The following EPHB1 variants were observed in gnomAD, a reference collection of about 807,000 sequenced individuals.
EPHB1 encodes the protein EPH receptor B1, also known as ephrin type-B receptor 1.
EPHB1 carries 30 observed loss-of-function variants against 94.4 expected under a neutral mutation model. The observed-to-expected ratio is 0.32, with a 90% CI of 0.24 to 0.43. EPHB1 has a LOEUF of 0.43. Ranked by LOEUF, EPHB1 falls within the 20% of genes least tolerant of loss-of-function variation. EPHB1 has a pLI of 1.00. For synonymous variants in EPHB1, 522 were observed against 489.1 expected, an observed-to-expected ratio of 1.07 and a Z score of -0.89; for missense variants, 1,055 against 1,308.3, an observed-to-expected ratio of 0.81 and a Z score of 2.99.
chr3:134,798,455 G>A (rs958188813), intron 1 of EPHB1, among the ~76,000 whole-genome samples: 3 of 152,094 alleles, frequency 2.0e-5, no homozygotes, highest in Non-Finnish European at 4.4e-5. Flanking sequence ...AACCCAGACT[G>A]AAAAAAAGCT....
At chr3:135,244,317 G>A (rs150905112) in intron 13 of EPHB1, among the ~76,000 whole-genome samples, 1 of 152,362 alleles carries the variant, frequency 6.6e-6, no homozygotes, top group African/African-American at 2.4e-5. Context: ...CTTTCAAAAT[G>A]AGACAGCAGA....
chr3:135,033,855 G>C (rs1161592246), intron 3 of EPHB1, among the ~76,000 whole-genome samples: 2 of 152,176 alleles, frequency 1.3e-5, no homozygotes, highest in Non-Finnish European at 2.9e-5. Context: ...GCCTCTGAAA[G>C]CTGAATAATG....
rs568064310 is a variant in EPHB1 at position 135,233,475 on chromosome 3, T to C, written c.2347-7673T>C. ...AGTCTGCCTCTGAAGCTTTGCAGGG[T>C]ACAGCTCCCCTCCTGGCTACTTCCA... On this transcript the variant is annotated intron_variant, in intron 12 of 15. Coordinates refer to ENST00000398015, the MANE Select transcript of EPHB1 (RefSeq NM_004441.5). 3.3e-5 allele frequency among the ~76,000 whole-genome samples: 5 copies of C among 152,338 alleles called. No homozygotes were observed. The East Asian group carries it at 9.6e-4, about 29-fold the overall frequency.
intron 2 of EPHB1, among the ~76,000 whole-genome samples, chr3:134,930,397 C>G (rs542238145): frequency 1.3e-5 from 2 of 152,326 alleles, no homozygotes; most frequent in African/African-American, 4.8e-5. Context: ...TCAGGGGCTA[C>G]CTGGTGAACA....
At chr3:134,931,787 A>T (rs1430116441) in intron 2 of EPHB1, among the ~76,000 whole-genome samples, 1 of 152,162 alleles carries the variant, frequency 6.6e-6, no homozygotes, top group Admixed American at 6.5e-5. Flanking sequence ...ATATTTGTGT[A>T]TGTACATATA....
At chr3:134,960,519 G>T (rs764794887) in intron 3 of EPHB1, among the ~76,000 whole-genome samples, 7 of 152,118 alleles carry the variant, frequency 4.6e-5, no homozygotes, top group South Asian at 2.1e-4. Context: ...AGTATGGCTG[G>T]GTATGTTTTG....
At chr3:134,876,273 C>T (rs1261628712) in intron 1 of EPHB1, among the ~76,000 whole-genome samples, 1 of 152,210 alleles carries the variant, frequency 6.6e-6, no homozygotes, top group African/African-American at 2.4e-5. Context: ...TCTTTACCTG[C>T]ACATCTCCAA....
rs1166430396 is a variant in EPHB1 at position 135,166,964 on chromosome 3, G to T, written c.1717G>T (p.Ala573Ser). The change falls in exon 9 of 16, where the codon GCT becomes TCT. Residue 573 changes from alanine (A) to serine (S), a missense_variant. Ala to Ser is a moderately conservative substitution (Grantham distance 99). Transcript: ENST00000398015. ...CSRKRAYSKE[A>S]VYSDKLQHYS... The stretch of plus-strand genomic sequence containing the variant: ...CAGGAAACGGGCTTATAGCAAAGAG[G>T]CTGTGTACAGCGATAAGCTCCAGCA... 2 of 1,614,138 alleles carry T rather than the reference G, an allele frequency of 1.2e-6. No homozygotes were observed. Among genetic ancestry groups the T allele is most frequent in the East Asian group, 2.2e-5 (1 of 44,876 alleles).
At chr3:135,189,345 T>C (rs1297694883) in intron 10 of EPHB1, among the ~76,000 whole-genome samples, 1 of 152,346 alleles carries the variant, frequency 6.6e-6, no homozygotes, top group South Asian at 2.1e-4. Flanking sequence ...AGAGCTTGGA[T>C]GGTTTAAGCC....
At chr3:134,882,298 A>T (rs1260893351) in intron 1 of EPHB1, among the ~76,000 whole-genome samples, 1 of 152,224 alleles carries the variant, frequency 6.6e-6, no homozygotes, top group Admixed American at 6.5e-5. Context: ...GAAATTAACA[A>T]CCAAAATGTG....
chr3:135,079,201 A>G (rs776252097), intron 3 of EPHB1, among the ~76,000 whole-genome samples: 1 of 152,198 alleles, frequency 6.6e-6, no homozygotes, highest in Non-Finnish European at 1.5e-5. Flanking sequence ...GGGCTTAGAC[A>G]GTAATAACCC....
At chr3:135,131,311 G>C (rs1454980936) in intron 4 of EPHB1, among the ~76,000 whole-genome samples, 2 of 152,198 alleles carry the variant, frequency 1.3e-5, no homozygotes, top group Non-Finnish European at 2.9e-5. Flanking sequence ...GCTGCTTGCT[G>C]TTGACTGATT....
At chr3:135,166,302 C>A (rs1365796505) in intron 8 of EPHB1, among the ~76,000 whole-genome samples, 1 of 152,190 alleles carries the variant, frequency 6.6e-6, no homozygotes, top group Admixed American at 6.5e-5. Flanking sequence ...ATCCTCAAAC[C>A]TCATTTTAAC....
chr3:135,056,754 G>T (rs755625055), intron 3 of EPHB1, among the ~76,000 whole-genome samples: 7 of 152,204 alleles, frequency 4.6e-5, no homozygotes, highest in Non-Finnish European at 1.0e-4. Context: ...TGGAGCCCTC[G>T]CAGACGAGAC....
At chr3:134,955,091 T>TTTTTTTC (rs1933206763) in intron 3 of EPHB1, among the ~76,000 whole-genome samples, 1 of 33,366 alleles carries the variant, frequency 3.0e-5, no homozygotes, top group Non-Finnish European at 5.6e-5. Context: ...TTTTTTTTTT[T>TTTTTTTC]TTTTTTTTTT....
chr3:135,182,356 C>T (rs1276099734), intron 10 of EPHB1, among the ~76,000 whole-genome samples: 3 of 152,302 alleles, frequency 2.0e-5, no homozygotes, highest in South Asian at 2.1e-4. Context: ...AAAGAAGAGT[C>T]GGAAGTCCTT....
intron 6 of EPHB1, among the ~76,000 whole-genome samples, chr3:135,161,787 G>A (rs1342401805): frequency 6.6e-6 from 1 of 152,046 alleles, no homozygotes; most frequent in Non-Finnish European, 1.5e-5. Flanking sequence ...CATTTCCCTG[G>A]GCCCCTTTTT....
At chr3:134,882,814 C>CTTTCTTTCT (rs1553861954) in intron 1 of EPHB1, among the ~76,000 whole-genome samples, 8,822 of 92,328 alleles carry the variant, frequency 0.096, 1,065 homozygotes, top group Non-Finnish European at 0.12. Context: ...TTCTTTCTTT[C>CTTTCTTTCT]TTTCTTTCTT....
chr3:135,140,174 G>A (rs1940770015), intron 5 of EPHB1, among the ~76,000 whole-genome samples: 1 of 152,128 alleles, frequency 6.6e-6, no homozygotes, highest in African/African-American at 2.4e-5. Flanking sequence ...TATTGGAGAG[G>A]GGACACCAGT....
Sources: gnomAD v4.1 joint callset for allele counts (sites outside exome capture counted in the v4.1 genomes callset) on GRCh38, gnomAD v4.1.1 for gene constraint, MANE v1.5 for transcripts, NCBI Gene and HGNC (gene_info 2026-07-23, HGNC 2026-07-21) for gene names.